Variants in NOS1AP observed in about 807,000 individuals in gnomAD.
The protein encoded by NOS1AP is nitric oxide synthase 1 adaptor protein.
Under a neutral mutation model 56.2 loss-of-function variants are expected in NOS1AP, and 21 were observed. The observed-to-expected ratio is 0.37, with a 90% CI of 0.26 to 0.54. NOS1AP has a LOEUF of 0.54. Among genes scored for constraint, NOS1AP ranks in the 20% least tolerant of loss-of-function variants. The pLI is 0.84. For missense variants in NOS1AP, 522 were observed against 657.8 expected, an observed-to-expected ratio of 0.79 and a Z score of 2.26; for synonymous variants, 270 against 274.6, an observed-to-expected ratio of 0.98 and a Z score of 0.17.
chr1:162,282,062 T>G (rs770029150), intron 2 of NOS1AP, among the ~76,000 whole-genome samples: 1 of 152,176 alleles, frequency 6.6e-6, no homozygotes, highest in Non-Finnish European at 1.5e-5. Flanking sequence ...ATTGCACCAT[T>G]GCACTCCAGC....
chr1:162,079,258 T>C (rs575531365), intron 1 of NOS1AP, among the ~76,000 whole-genome samples: 3 of 152,194 alleles, frequency 2.0e-5, no homozygotes, highest in African/African-American at 7.2e-5. Flanking sequence ...AAAATTCCAC[T>C]GATGGATGTC....
chr1:162,301,617 G>A (rs1052459360), intron 4 of NOS1AP, among the ~76,000 whole-genome samples: 1 of 152,176 alleles, frequency 6.6e-6, no homozygotes, highest in Non-Finnish European at 1.5e-5. Flanking sequence ...ATATCAGATA[G>A]CAAGAACATA....
At chr1:162,232,648 T>C (rs1287193923) in intron 2 of NOS1AP, among the ~76,000 whole-genome samples, 3 of 152,142 alleles carry the variant, frequency 2.0e-5, no homozygotes, top group African/African-American at 7.2e-5. Flanking sequence ...GCTTTGATTC[T>C]GCTAACCTGC....
intron 8 of NOS1AP, chr1:162,364,404 A>G (rs747754064): frequency 3.4e-4 from 334 of 985,330 alleles, no homozygotes; most frequent in Non-Finnish European, 3.9e-4. Flanking sequence ...TTGCACAAGA[A>G]TCACATATGT....
intron 2 of NOS1AP, among the ~76,000 whole-genome samples, chr1:162,194,078 C>A (rs1651725533): frequency 6.6e-6 from 1 of 152,140 alleles, no homozygotes. Flanking sequence ...GCTCCCCATG[C>A]ATAGCCTTAA....
At chr1:162,181,000 C>A (rs1431290099) in intron 2 of NOS1AP, among the ~76,000 whole-genome samples, 1 of 152,262 alleles carries the variant, frequency 6.6e-6, no homozygotes. Flanking sequence ...CAAGGTCTAT[C>A]AGCCAGCATT....
chr1:162,159,968 G>C (rs1014165327), intron 2 of NOS1AP, among the ~76,000 whole-genome samples: 1 of 152,254 alleles, frequency 6.6e-6, no homozygotes, highest in East Asian at 1.9e-4. Flanking sequence ...TGGGAACTGG[G>C]GGCTTTCAGT....
intron 3 of NOS1AP, 42 bp downstream of exon 3, chr1:162,287,478 A>C (rs553271220): frequency 2.2e-6 from 3 of 1,337,278 alleles, no homozygotes; most frequent in Non-Finnish European, 3.2e-6. Flanking sequence ...AGAGGAAAGC[A>C]GGGGAGGTAG....
chr1:162,230,979 C>T (rs61291755), intron 2 of NOS1AP, among the ~76,000 whole-genome samples: 1,970 of 152,250 alleles, frequency 0.013, 44 homozygotes, highest in African/African-American at 0.045. Flanking sequence ...TTTAAGACCC[C>T]GCTTTCAGTT....
intron 1 of NOS1AP, among the ~76,000 whole-genome samples, chr1:162,129,594 A>G (rs1648656841): frequency 6.6e-6 from 1 of 152,172 alleles, no homozygotes; most frequent in African/African-American, 2.4e-5. Context: ...TAGAACCCTT[A>G]ATACATTGAC....
chr1:162,367,736 G>C lies in NOS1AP; in HGVS notation c.*269G>C. The C allele has an allele frequency of 2.1e-6, 1 of 486,128 alleles. No individual in the cohort carries two copies. The highest frequency in any genetic ancestry group is 3.7e-6 in the Non-Finnish European group (1 of 269,652). The allele number at this position is 486,128 out of a possible 1,614,324, so 30.1% of individuals were successfully genotyped here. A position where few individuals can be genotyped will look rare whatever the true frequency, so the allele number is the denominator to read the frequency against. ...GGCCTTCCAGAGCCCATGGCTTCAG[G>C]AGAGGGTCTCTCTCCAGGACTGCCA... On this transcript the variant is annotated 3_prime_UTR_variant, in exon 10 of 10. Transcript: ENST00000361897. The surrounding 1 kb of genome is among the most constrained non-coding windows in gnomAD (Gnocchi z 6.5).
At chr1:162,116,728 T>C (rs577470580) in intron 1 of NOS1AP, among the ~76,000 whole-genome samples, 8 of 152,282 alleles carry the variant, frequency 5.3e-5, no homozygotes, top group Admixed American at 1.3e-4. Flanking sequence ...AATTCACAAA[T>C]TGACATTTTG....
At chr1:162,321,872 T>C (rs1656434163) in intron 4 of NOS1AP, among the ~76,000 whole-genome samples, 1 of 151,120 alleles carries the variant, frequency 6.6e-6, no homozygotes, top group Admixed American at 6.6e-5. Flanking sequence ...CACATGGCCA[T>C]AAAGATGGAA....
In NOS1AP at chr1:162,365,506, C is replaced by T; in HGVS notation, c.1042C>T (p.His348Tyr). The change falls in exon 9 of 10, where the codon CAC (histidine) becomes TAC (tyrosine). Residue 348 changes from histidine to tyrosine, a missense_variant. His to Tyr is a moderately conservative substitution (Grantham distance 83). Coordinates refer to ENST00000361897, the MANE Select transcript of NOS1AP (RefSeq NM_014697.3). ...LLLQNKDMLQHISLLVKQVQE... is the reference protein window; with the variant it reads ...LLLQNKDMLQYISLLVKQVQE... ...GCTGCAGAACAAGGACATGCTCCAG[C>T]ACATCTCCCTGCTGGTCAAGCAGGT... 1 of 1,613,812 alleles carries T rather than the reference C, an allele frequency of 6.2e-7. No homozygotes were observed. The highest frequency in any genetic ancestry group is 8.5e-7 in the Non-Finnish European group (1 of 1,180,040).
chr1:162,258,907 T>C (rs1370080303), intron 2 of NOS1AP, among the ~76,000 whole-genome samples: 1 of 152,150 alleles, frequency 6.6e-6, no homozygotes, highest in African/African-American at 2.4e-5. Context: ...GGGTTCACAT[T>C]GTAGGTGGGA....
At chr1:162,360,572 C>G (rs1213814207) in intron 8 of NOS1AP, 1 of 351,842 alleles carries the variant, frequency 2.8e-6, no homozygotes, top group African/African-American at 2.1e-5. Context: ...AAGATTTCTC[C>G]TCTACCTGCT....
At chr1:162,345,493 A>C (rs917461779) in intron 6 of NOS1AP, among the ~76,000 whole-genome samples, 1 of 151,982 alleles carries the variant, frequency 6.6e-6, no homozygotes, top group African/African-American at 2.4e-5. Flanking sequence ...AGTATTCAAA[A>C]CTCATGGGAT....
At chr1:162,302,679 A>G (rs1024863958) in intron 4 of NOS1AP, among the ~76,000 whole-genome samples, 2 of 152,208 alleles carry the variant, frequency 1.3e-5, no homozygotes, top group Non-Finnish European at 2.9e-5. Flanking sequence ...TATAATTGGC[A>G]TGCAAAAATC....
At chr1:162,129,577 G>A (rs1173978911) in intron 1 of NOS1AP, among the ~76,000 whole-genome samples, 2 of 152,186 alleles carry the variant, frequency 1.3e-5, no homozygotes, top group African/African-American at 4.8e-5. Context: ...AAATCGTACA[G>A]TCCCTTTAGA....
Sources: allele counts gnomAD v4.1 joint callset (sites outside exome capture counted in the v4.1 genomes callset), GRCh38; gene constraint gnomAD v4.1.1; non-coding constraint Gnocchi (gnomAD v3.1); transcripts MANE v1.5; gene names NCBI Gene and HGNC (gene_info 2026-07-23, HGNC 2026-07-21).